Variants in PKIB observed in about 807,000 individuals in gnomAD.
PKIB encodes the protein PKI-beta.
A neutral mutation model predicts 4.5 loss-of-function variants in PKIB; 2 were observed. The ratio of observed to expected loss-of-function variants is 0.44; its 90% CI spans 0.18 to 1.39. PKIB has a LOEUF of 1.39. PKIB is among the 40% of genes most tolerant of loss of function. The pLI, the probability that PKIB is intolerant of heterozygous loss-of-function variation, is 0.27. For missense variants in PKIB, 94 were observed against 92.6 expected (o/e 1.02, Z -0.06); for synonymous variants, 38 against 36.0 (o/e 1.06, Z -0.20).
intron 2 of PKIB, among the ~76,000 whole-genome samples, chr6:122,530,281 A>G (rs1378282841): frequency 6.6e-6 from 1 of 152,142 alleles, no homozygotes; most frequent in East Asian, 1.9e-4. Context: ...GTTTAAAAAA[A>G]ATAGTTTCCA....
At chr6:122,541,687 C>T (rs1221785341) in intron 2 of PKIB, among the ~76,000 whole-genome samples, 1 of 151,810 alleles carries the variant, frequency 6.6e-6, no homozygotes, top group Admixed American at 6.6e-5. Flanking sequence ...CGAGGAGTAT[C>T]TTTGTGGCGT....
intron 2 of PKIB, among the ~76,000 whole-genome samples, chr6:122,561,456 T>A (rs1392620035): frequency 6.6e-6 from 1 of 152,096 alleles, no homozygotes; most frequent in Non-Finnish European, 1.5e-5. Flanking sequence ...TTGAGGCTCA[T>A]TTTTGGCCTA....
At chr6:122,602,127 G>A (rs999189669) in intron 3 of PKIB, among the ~76,000 whole-genome samples, 9 of 151,962 alleles carry the variant, frequency 5.9e-5, no homozygotes, top group Non-Finnish European at 8.8e-5. Flanking sequence ...GAATCATAGC[G>A]GTGCTTCAAC....
chr6:122,535,766 C>A (rs891480875), intron 2 of PKIB, among the ~76,000 whole-genome samples: 2 of 152,138 alleles, frequency 1.3e-5, no homozygotes, highest in Admixed American at 1.3e-4. Flanking sequence ...CTTAAATGGT[C>A]TAAGCTGTGG....
At chr6:122,492,395 G>T (rs531187087) in intron 2 of PKIB, among the ~76,000 whole-genome samples, 1 of 152,114 alleles carries the variant, frequency 6.6e-6, no homozygotes, top group African/African-American at 2.4e-5. Context: ...ACGACCTATG[G>T]TTACTTCGGG....
intron 2 of PKIB, among the ~76,000 whole-genome samples, chr6:122,642,777 T>G (rs1314302727): frequency 1.3e-5 from 2 of 152,196 alleles, no homozygotes; most frequent in Non-Finnish European, 2.9e-5. Context: ...ACTCACTAAT[T>G]AAAACATAGC....
chr6:122,495,467 T>C (rs1776051512), intron 2 of PKIB, among the ~76,000 whole-genome samples: 1 of 152,104 alleles, frequency 6.6e-6, no homozygotes, highest in African/African-American at 2.4e-5. Flanking sequence ...GAGAGTTTGG[T>C]TGGTGATCTG....
chr6:122,632,600 G>A (rs1253764189), intron 1 of PKIB, among the ~76,000 whole-genome samples: 1 of 152,102 alleles, frequency 6.6e-6, no homozygotes, highest in Non-Finnish European at 1.5e-5. Flanking sequence ...AATATGATCT[G>A]CAAAAAATAT....
intron 2 of PKIB, among the ~76,000 whole-genome samples, chr6:122,558,004 A>T (rs1169641175): frequency 6.6e-6 from 1 of 152,158 alleles, no homozygotes; most frequent in African/African-American, 2.4e-5. Context: ...TCATGTTAAC[A>T]CAAGAGGTGA....
intron 2 of PKIB, among the ~76,000 whole-genome samples, chr6:122,489,533 C>T (rs1225330155): frequency 6.6e-6 from 1 of 152,216 alleles, no homozygotes; most frequent in African/African-American, 2.4e-5. Flanking sequence ...CAGGCATGAG[C>T]CTGGCCAAAA....
Position 122,652,292 on chromosome 6 carries a change from T to TTGTG in PKIB, c.-76+18964_-76+18967dup, listed in dbSNP as rs66695664. The stretch of plus-strand genomic sequence containing the variant: ...ATATGTTGTGTGCATATATGTTGGT[T>TTGTG]TGTGTGTGTGTGTGTGTGTGTGTGT... On this transcript the variant is annotated intron_variant, in intron 2 of 4. Coordinates refer to ENST00000368452, the MANE Select transcript of PKIB (RefSeq NM_181795.3). Among the ~76,000 whole-genome samples the TTGTG allele has an allele frequency of 3.0e-4, 43 of 142,040 alleles. 1 individual carries two copies. Among genetic ancestry groups the TTGTG allele is most frequent in the African/African-American group, 1.0e-3 (37 of 36,712 alleles). 93.2% of individuals were successfully genotyped at this position (142,040 alleles called of 152,430 possible).
At chr6:122,553,478 CTTCTTTTTTTT>C (rs1772745757) in intron 2 of PKIB, among the ~76,000 whole-genome samples, 1 of 48,928 alleles carries the variant, frequency 2.0e-5, no homozygotes, top group South Asian at 9.5e-4. Context: ...GCTCAAATAT[CTTCTTTTTTTT>C]TTTTTTTTTT....
intron 2 of PKIB, among the ~76,000 whole-genome samples, chr6:122,671,378 G>T (rs1777457979): frequency 9.6e-6 from 1 of 103,778 alleles, no homozygotes; most frequent in South Asian, 2.5e-4. Context: ...GAAAGCATAG[G>T]TTAGGTCTTA....
At chr6:122,676,993 A>G (rs1028677964) in intron 3 of PKIB, among the ~76,000 whole-genome samples, 3 of 152,126 alleles carry the variant, frequency 2.0e-5, no homozygotes, top group Admixed American at 2.0e-4. Context: ...TGTTTTATAG[A>G]TCTTGAGGTT....
chr6:122,704,239 A>T (rs1353130699), intron 3 of PKIB, among the ~76,000 whole-genome samples: 1 of 152,108 alleles, frequency 6.6e-6, no homozygotes, highest in African/African-American at 2.4e-5. Flanking sequence ...GCCCGCCCAT[A>T]TTGAGAAGGG....
intron 3 of PKIB, among the ~76,000 whole-genome samples, chr6:122,704,237 A>T (rs1778962423): frequency 6.6e-6 from 1 of 152,100 alleles, no homozygotes; most frequent in South Asian, 2.1e-4. Flanking sequence ...TGGCCCGCCC[A>T]TATTGAGAAG....
At position 122,590,033 on chromosome 6, in the gene PKIB, G is replaced by A. The variant is rs137911761; in HGVS notation, c.-161+4026G>A. 4.1e-3 allele frequency among the ~76,000 whole-genome samples: 631 copies of A among 152,192 alleles called. 8 individuals are homozygous for A. The highest frequency in any genetic ancestry group is 0.014 in the African/African-American group (579 of 41,526). On this transcript the variant is annotated intron_variant, in intron 3 of 6. Transcript: ENST00000392491. ...ATATTAATAGAAATCAGAAAAAAATGAGTAAAAATCAGGACAGAACAAAAG... is the reference window on the plus strand; with the variant it reads ...ATATTAATAGAAATCAGAAAAAAATAAGTAAAAATCAGGACAGAACAAAAG...
At chr6:122,700,288 G>T in intron 3 of PKIB, among the ~76,000 whole-genome samples, 1 of 127,542 alleles carries the variant, frequency 7.8e-6, no homozygotes, top group African/African-American at 2.8e-5. Context: ...GGTGGTCACT[G>T]GACATATTTG....
At chr6:122,703,940 AT>A (rs1778945154) in intron 3 of PKIB, among the ~76,000 whole-genome samples, 1 of 88,326 alleles carries the variant, frequency 1.1e-5, no homozygotes, top group African/African-American at 4.1e-5. Flanking sequence ...ATATATATAT[AT>A]AGAGAGAGAG....
Sources: allele counts gnomAD v4.1 joint callset (sites outside exome capture counted in the v4.1 genomes callset), GRCh38; gene constraint gnomAD v4.1.1; transcripts MANE v1.5; gene names NCBI Gene and HGNC (gene_info 2026-07-23, HGNC 2026-07-21).